Variants in D2HGDH observed in about 807,000 individuals in gnomAD.
The protein encoded by D2HGDH is D-2-hydroxyglutarate dehydrogenase, also known as D-2-hydroxyglutarate dehydrogenase, mitochondrial.
In D2HGDH, 31 loss-of-function variants were observed where a neutral mutation model predicts 46.9. The observed-to-expected ratio is 0.66, with a 90% CI of 0.50 to 0.89. The LOEUF is 0.89. Among genes scored for constraint, D2HGDH ranks in the 40% least tolerant of loss-of-function variants. D2HGDH has a pLI of 0.00. For missense variants in D2HGDH, 698 were observed against 720.8 expected (o/e 0.97, Z 0.36); for synonymous variants, 364 against 332.6 (o/e 1.09, Z -1.03).
rs1409962549 is a variant in D2HGDH at position 241,744,879 on chromosome 2, TG to T, written c.853+5del. Reference sequence around the variant, plus strand: ...GGGCTGTGAACGTGGCTTTCCTCGGTGGGCTTCCTCGATGTGTGCCTTGAGA... The same window carrying T: ...GGGCTGTGAACGTGGCTTTCCTCGGTGGCTTCCTCGATGTGTGCCTTGAGA... On this transcript the variant is annotated splice_donor_region_variant and intron_variant, in intron 6 of 9. Coordinates refer to ENST00000321264, the MANE Select transcript of D2HGDH (RefSeq NM_152783.5). The T allele has an allele frequency of 2.5e-6, 4 of 1,613,926 alleles. No homozygotes were observed.
chr2:241,750,133 T>C lies in D2HGDH; in HGVS notation c.854-18T>C. 2 of 1,613,706 alleles carry C rather than the reference T, an allele frequency of 1.2e-6. No individual in the cohort carries two copies. The highest frequency in any genetic ancestry group is 2.2e-5 in the East Asian group (1 of 44,896). On this transcript the variant is annotated intron_variant, in intron 6 of 9. Transcript: ENST00000321264. ...GTTTAGCTCCGTGTGGTGCTTGACA[T>C]GCTGTGACCCGTTTCAGGCTGCCCA...
At position 241,735,175 on chromosome 2, in the gene D2HGDH, A is replaced by T. The variant is rs1327211028; in HGVS notation, c.-50A>T. 1 of 1,460,210 alleles carries T rather than the reference A, an allele frequency of 6.8e-7. No individual in the cohort carries two copies. The highest frequency in any genetic ancestry group is 9.0e-7 in the Non-Finnish European group (1 of 1,117,184). 90.5% of individuals were successfully genotyped at this position (1,460,210 alleles called of 1,614,324 possible). A position where few individuals can be genotyped will look rare whatever the true frequency, so the allele number is the denominator to read the frequency against. ...CCCTGCCCTTCCCCTCCGGGCCCTG[A>T]GTACCGGCCCCCCACCAAGGAGGAG... On this transcript the variant is annotated 5_prime_UTR_variant, in exon 2 of 10. Transcript: ENST00000321264.
chr2:241,757,152 A>G lies in D2HGDH; in HGVS notation c.1306+1138A>G, dbSNP rs1344875667. On this transcript the variant is annotated intron_variant, in intron 9 of 9. Transcript: ENST00000321264. ...TGATGTGGAGAAACTTCTCTGCACA[A>G]CAGCTTTTAGGACTGGTGGTGTTGC... Among the ~76,000 whole-genome samples, 5 of 152,348 alleles carry G rather than the reference A, an allele frequency of 3.3e-5. 1 individual carries two copies. In the East Asian group the frequency reaches 9.6e-4, roughly 29 times the overall value.
At chr2:241,760,796 C>G (rs1036136643) in intron 9 of D2HGDH, among the ~76,000 whole-genome samples, 3 of 152,282 alleles carry the variant, frequency 2.0e-5, no homozygotes, top group African/African-American at 7.2e-5. Flanking sequence ...GCAGCACCAG[C>G]TCCTGCTGGG....
rs1256482967 is a variant in D2HGDH at position 241,768,259 on chromosome 2, G to A, written c.*290G>A. On this transcript the variant is annotated 3_prime_UTR_variant, in exon 10 of 10. Coordinates refer to ENST00000321264, the MANE Select transcript of D2HGDH (RefSeq NM_152783.5). ...AGCTTTGCCCACGTGGAAGCGGGGT[G>A]GGTCTCACTTGCGTGGTGGCCCCTG... 1 of 479,982 alleles carries A rather than the reference G, an allele frequency of 2.1e-6. No homozygotes were observed. Among genetic ancestry groups the A allele is most frequent in the Non-Finnish European group, 3.7e-6 (1 of 267,844 alleles). 29.7% of individuals were successfully genotyped at this position (479,982 alleles called of 1,614,324 possible).
chr2:241,755,543 C>T lies in D2HGDH; in HGVS notation c.1141-306C>T, dbSNP rs770994613. ...TGAGGTGTCCCAGCCGCCTGATTGCCGGAGTCCCAGGGTGCTCGGTGCTGT... is the reference window on the plus strand; with the variant it reads ...TGAGGTGTCCCAGCCGCCTGATTGCTGGAGTCCCAGGGTGCTCGGTGCTGT... On this transcript the variant is annotated intron_variant, in intron 8 of 9. Transcript: ENST00000321264. The T allele has an allele frequency of 7.6e-5, 106 of 1,399,732 alleles. 1 individual carries two copies. Among genetic ancestry groups the T allele is most frequent in the South Asian group, 2.9e-4 (24 of 81,850 alleles). The allele number at this position is 1,399,732 out of a possible 1,614,324, so 86.7% of individuals were successfully genotyped here.
chr2:241,754,885 G>C (rs1697912605), intron 8 of D2HGDH: 1 of 668,656 alleles, frequency 1.5e-6, no homozygotes, highest in African/African-American at 1.9e-5. Context: ...ATACAGGCGT[G>C]AGCCACTGCG....
intron 9 of D2HGDH, among the ~76,000 whole-genome samples, chr2:241,762,357 A>G (rs2002091): frequency 0.13 from 19,884 of 152,162 alleles, 1,398 homozygotes; most frequent in African/African-American, 0.19. Flanking sequence ...GGTGTGAGCC[A>G]CCGCGCCCAG....
At chr2:241,744,956 G>A in intron 6 of D2HGDH, 79 bp downstream of exon 6, 1 of 1,579,148 alleles carries the variant, frequency 6.3e-7, no homozygotes, top group South Asian at 1.1e-5. Context: ...GTTGGTGTGA[G>A]GAAGGGGATG....
chr2:241,750,186 A>G lies in D2HGDH; in HGVS notation c.889A>G (p.Ser297Gly). Residue 297 changes from serine to glycine, a missense_variant, in exon 7 of 10, where the codon AGC (serine) becomes GGC (glycine). Ser to Gly is a moderately conservative substitution (Grantham distance 56, BLOSUM62 0). Coordinates refer to ENST00000321264, the MANE Select transcript of D2HGDH (RefSeq NM_152783.5). ...PGFAEVLQTFSTCKGMLGEIL... is the reference protein window; with the variant it reads ...PGFAEVLQTFGTCKGMLGEIL... ...CTTTGCTGAGGTTCTGCAGACCTTC[A>G]GCACCTGCAAGGGGATGCTGGGTGA... 6.2e-7 allele frequency: 1 copy of G among 1,614,088 alleles called. No individual in the cohort carries two copies. Among genetic ancestry groups the G allele is most frequent in the Non-Finnish European group, 8.5e-7 (1 of 1,180,038 alleles).
intron 8 of D2HGDH, chr2:241,755,044 G>A (rs904623526): frequency 3.1e-6 from 4 of 1,300,198 alleles, no homozygotes; most frequent in Non-Finnish European, 4.0e-6. Flanking sequence ...TCATGGTGCA[G>A]ATCTCCACAA....
In D2HGDH at chr2:241,743,684, G is replaced by C. The variant is rs1695125482; in HGVS notation, c.553G>C (p.Asp185His). Residue 185 changes from aspartate (D) to histidine (H), a missense_variant, in exon 5 of 10, where the codon GAC becomes CAC. Asp to His is a moderately conservative substitution (Grantham distance 81). Transcript: ENST00000321264. The surrounding 1 kb of genome is among the most constrained non-coding windows in gnomAD (Gnocchi z 4.8). ...EELSRYVEER[D>H]FIMPLDLGAK... is the part of the protein sequence containing the mutation. ...GCTGAGCCGGTATGTGGAGGAACGG[G>C]ACTTCATCATGCCGCTGGACTTAGG... The C allele has an allele frequency of 2.5e-6, 4 of 1,613,960 alleles. No individual in the cohort carries two copies. The Middle Eastern group carries it at 5.0e-4, about 200-fold the overall frequency.
At chr2:241,736,535 C>G (rs1692873524) in intron 2 of D2HGDH, among the ~76,000 whole-genome samples, 1 of 151,602 alleles carries the variant, frequency 6.6e-6, no homozygotes, top group African/African-American at 2.4e-5. Context: ...GTTTTTCATA[C>G]AGGTTTTTCT....
At chr2:241,757,595 G>A (rs1461714698) in intron 9 of D2HGDH, among the ~76,000 whole-genome samples, 1 of 152,164 alleles carries the variant, frequency 6.6e-6, no homozygotes, top group Non-Finnish European at 1.5e-5. Flanking sequence ...GGTAACTTCA[G>A]TCTCTCTTGG....
At chr2:241,735,662 C>G (rs544279650) in intron 2 of D2HGDH, 146 bp downstream of exon 2, 100 of 1,121,758 alleles carry the variant, frequency 8.9e-5, no homozygotes, top group Non-Finnish European at 1.2e-4. Context: ...CCGCCACAGG[C>G]TGCTGGAATG....
chr2:241,757,080 AT>A (rs1417026976), intron 9 of D2HGDH, among the ~76,000 whole-genome samples: 1 of 152,240 alleles, frequency 6.6e-6, no homozygotes, highest in Non-Finnish European at 1.5e-5. Flanking sequence ...AATAACACGT[AT>A]TACTTACGAA....
At chr2:241,748,827 GT>G in intron 6 of D2HGDH, 2 of 1,202,920 alleles carry the variant, frequency 1.7e-6, no homozygotes, top group Non-Finnish European at 1.1e-6. Flanking sequence ...CTTCATCCAG[GT>G]TTTCTGTGTT....
rs377041636 is a variant in D2HGDH at position 241,741,078 on chromosome 2, C to T, written c.338C>T (p.Ser113Phe). Reference sequence around the variant, plus strand: ...AGGCCACGGACGTCGGAGGAGGTGTCCCACATCCTCAGGTGAGGTGGTGGC... The same window carrying T: ...AGGCCACGGACGTCGGAGGAGGTGTTCCACATCCTCAGGTGAGGTGGTGGC... ...LLRPRTSEEV[S>F]HILRHCHERN... Residue 113 changes from serine (S) to phenylalanine (F), a missense_variant, in exon 3 of 10, where the codon TCC becomes TTC. Coordinates refer to ENST00000321264, the MANE Select transcript of D2HGDH (RefSeq NM_152783.5). 1.9e-6 allele frequency: 3 copies of T among 1,613,712 alleles called. No homozygotes were observed. The highest frequency in any genetic ancestry group is 2.5e-6 in the Non-Finnish European group (3 of 1,179,940).
intron 9 of D2HGDH, among the ~76,000 whole-genome samples, chr2:241,764,501 G>A (rs1445098965): frequency 2.0e-5 from 3 of 152,360 alleles, no homozygotes; most frequent in African/African-American, 7.2e-5. Context: ...TGGACTATGA[G>A]TCTCCAGGTG....
Sources: gnomAD v4.1 joint callset for allele counts (sites outside exome capture counted in the v4.1 genomes callset) on GRCh38, gnomAD v4.1.1 for gene constraint, Gnocchi (gnomAD v3.1) non-coding constraint, MANE v1.5 for transcripts, NCBI Gene and HGNC (gene_info 2026-07-23, HGNC 2026-07-21) for gene names.